RBFOX1: variants seen among roughly 807,000 people sequenced by gnomAD.
RBFOX1 encodes the protein RNA binding protein fox-1 homolog 1.
A neutral mutation model predicts 57.7 loss-of-function variants in RBFOX1; 8 were observed. The ratio of observed to expected loss-of-function variants is 0.14; its 90% CI spans 0.08 to 0.25. The LOEUF (loss-of-function observed/expected upper bound fraction) is 0.25. RBFOX1 is among the 10% of genes least tolerant of loss of function. RBFOX1 has a pLI of 1.00. For synonymous variants in RBFOX1, 326 were observed against 222.4 expected (o/e 1.47, Z -4.15); for missense variants, 611 against 548.5 (o/e 1.11, Z -1.14).
chr16:5,521,948 A>C (rs890073887), intron 2 of RBFOX1, among the ~76,000 whole-genome samples: 2 of 152,166 alleles, frequency 1.3e-5, no homozygotes, highest in African/African-American at 4.8e-5. Context: ...CAGATTACAG[A>C]GGAGGCTGAG....
At chr16:6,458,740 G>A (rs1345167966) in intron 2 of RBFOX1, among the ~76,000 whole-genome samples, 1 of 152,230 alleles carries the variant, frequency 6.6e-6, no homozygotes, top group East Asian at 1.9e-4. Context: ...ATGAAAAACG[G>A]TATCTGTGTT....
At chr16:6,124,696 G>C (rs537608215) in intron 1 of RBFOX1, among the ~76,000 whole-genome samples, 1 of 151,892 alleles carries the variant, frequency 6.6e-6, no homozygotes, top group East Asian at 1.9e-4. Context: ...TTGTTTGTTT[G>C]TTTGTATTTT....
At chr16:7,051,694 T>C (rs915259853) in intron 3 of RBFOX1, among the ~76,000 whole-genome samples, 4 of 152,198 alleles carry the variant, frequency 2.6e-5, no homozygotes, top group Non-Finnish European at 5.9e-5. Context: ...TGGGCCTTTA[T>C]GGAGGAATTC....
rs372644630 is a variant in RBFOX1, at chr16:6,285,356, T to C, written c.-126-31639T>C. ...TCTGGAAGTATGAATTCTGAGGGCG[T>C]GTGAACTGAATAAAAGGAGCCATAT... On this transcript the variant is annotated intron_variant, in intron 1 of 15. Coordinates refer to ENST00000550418, the MANE Select transcript of RBFOX1 (RefSeq NM_018723.4). Among the ~76,000 whole-genome samples the C allele has an allele frequency of 3.9e-5, 6 of 152,258 alleles. No homozygotes were observed. The East Asian group carries it at 1.2e-3, about 29-fold the overall frequency.
At chr16:5,487,932 A>G (rs2042688531) in intron 2 of RBFOX1, among the ~76,000 whole-genome samples, 1 of 151,908 alleles carries the variant, frequency 6.6e-6, no homozygotes, top group African/African-American at 2.4e-5. Context: ...GATGATAATG[A>G]TAATTATGGT....
In RBFOX1 at chr16:7,473,393, T is replaced by C. The variant is rs566390204; in HGVS notation, c.28-44754T>C. Among the ~76,000 whole-genome samples the C allele has an allele frequency of 1.1e-3, 168 of 148,056 alleles. 1 individual carries two copies. Among genetic ancestry groups the C allele is most frequent in the African/African-American group, 3.7e-3 (152 of 40,780 alleles). On this transcript the variant is annotated intron_variant, in intron 4 of 15. Coordinates refer to ENST00000550418, the MANE Select transcript of RBFOX1 (RefSeq NM_018723.4). ...ACTTGGTCTCTCATATATACATATA[T>C]ATATATTTATATATAATGTTATATA...
intron 3 of RBFOX1, among the ~76,000 whole-genome samples, chr16:5,647,267 G>A (rs2049084967): frequency 6.6e-6 from 1 of 152,198 alleles, no homozygotes; most frequent in Admixed American, 6.5e-5. Flanking sequence ...CCAGGGCCAT[G>A]GAGCTTGGAA....
intron 1 of RBFOX1, among the ~76,000 whole-genome samples, chr16:5,454,867 TTTC>T (rs1567534898): frequency 1.9e-5 from 1 of 51,796 alleles, no homozygotes; most frequent in African/African-American, 6.6e-5. Flanking sequence ...TCTTTCTTTC[TTTC>T]TTTCTTTCTT....
chr16:5,614,972 G>A (rs2047968247), intron 3 of RBFOX1, among the ~76,000 whole-genome samples: 1 of 152,124 alleles, frequency 6.6e-6, no homozygotes, highest in Non-Finnish European at 1.5e-5. Flanking sequence ...GAGATGGGTG[G>A]GGTCAGAGCT....
intron 2 of RBFOX1, among the ~76,000 whole-genome samples, chr16:5,512,542 T>G (rs558249246): frequency 3.3e-5 from 5 of 152,316 alleles, no homozygotes; most frequent in South Asian, 4.1e-4. Flanking sequence ...ATCCCAGCTT[T>G]GTCATTTATG....
chr16:7,586,290 C>G (rs902273945), intron 6 of RBFOX1, among the ~76,000 whole-genome samples: 5 of 152,142 alleles, frequency 3.3e-5, no homozygotes, highest in Admixed American at 1.3e-4. Flanking sequence ...TTCATGTGAT[C>G]TCAGAAAACT....
At chr16:7,446,583 CTAGTGTCCTATAG>C (rs1257655802) in intron 4 of RBFOX1, among the ~76,000 whole-genome samples, 4 of 152,076 alleles carry the variant, frequency 2.6e-5, no homozygotes, top group African/African-American at 9.7e-5. Flanking sequence ...TTTAGGATGA[CTAGTGTCCTATAG>C]TTCTCTTTCA....
intron 4 of RBFOX1, among the ~76,000 whole-genome samples, chr16:7,131,793 T>C (rs1038099326): frequency 6.6e-6 from 1 of 151,966 alleles, no homozygotes; most frequent in Admixed American, 6.6e-5. Flanking sequence ...CTGTGAATAG[T>C]CCTGTGAATA....
At chr16:5,568,520 C>G (rs114866604) in intron 2 of RBFOX1, among the ~76,000 whole-genome samples, 4 of 152,126 alleles carry the variant, frequency 2.6e-5, no homozygotes, top group Middle Eastern at 6.3e-3. Context: ...TAAAGGTCAC[C>G]AAGATAAGCG....
chr16:6,856,000 C>A (rs1395234340), intron 3 of RBFOX1, among the ~76,000 whole-genome samples: 1 of 152,080 alleles, frequency 6.6e-6, no homozygotes, highest in Non-Finnish European at 1.5e-5. Flanking sequence ...TATTGATCCT[C>A]CATCTTCCCT....
At chr16:6,237,187 C>T (rs755054048) in intron 1 of RBFOX1, among the ~76,000 whole-genome samples, 1 of 152,190 alleles carries the variant, frequency 6.6e-6, no homozygotes, top group Non-Finnish European at 1.5e-5. Flanking sequence ...ACGAACACAT[C>T]TTCCTATAAA....
At chr16:7,496,796 C>G (rs2151710505) in intron 4 of RBFOX1, among the ~76,000 whole-genome samples, 1 of 143,180 alleles carries the variant, frequency 7.0e-6, no homozygotes, top group Admixed American at 7.2e-5. Context: ...ATTGTATTTT[C>G]TTTTAGAAAA....
intron 2 of RBFOX1, among the ~76,000 whole-genome samples, chr16:5,482,723 C>T (rs928726555): frequency 6.6e-6 from 1 of 152,138 alleles, no homozygotes; most frequent in Non-Finnish European, 1.5e-5. Flanking sequence ...ATCCTTGCTT[C>T]TAAACGTGCT....
In RBFOX1 at chr16:7,537,894, T is replaced by C. The variant is rs113137311; in HGVS notation, c.270+19505T>C. On this transcript the variant is annotated intron_variant, in intron 5 of 15. Transcript: ENST00000550418. ...ATAATGCATGAGGGGAAATCCGTGG[T>C]ATTTTTAAACAATGGAAATGAGAGA... Among the ~76,000 whole-genome samples, 4 of 152,358 alleles carry C rather than the reference T, an allele frequency of 2.6e-5. 1 individual carries two copies. Among genetic ancestry groups the C allele is most frequent in the African/African-American group, 9.6e-5 (4 of 41,570 alleles).
Sources: gnomAD v4.1 joint callset for allele counts (sites outside exome capture counted in the v4.1 genomes callset) on GRCh38, gnomAD v4.1.1 for gene constraint, MANE v1.5 for transcripts, NCBI Gene and HGNC (gene_info 2026-07-23, HGNC 2026-07-21) for gene names.